Variants in FBXO42 observed in about 807,000 individuals in gnomAD.
FBXO42 encodes F-box protein 42.
FBXO42 carries 12 observed loss-of-function variants against 71.7 expected under a neutral mutation model. That is an observed-to-expected ratio of 0.17 (90% CI 0.11 to 0.27). FBXO42 has a LOEUF of 0.27. Ranked by LOEUF, FBXO42 falls within the 10% of genes least tolerant of loss-of-function variation. The pLI, the probability that FBXO42 is intolerant of heterozygous loss-of-function variation, is 1.00. For missense variants in FBXO42, 707 were observed against 911.9 expected (o/e 0.78, Z 2.89); for synonymous variants, 325 against 327.5 (o/e 0.99, Z 0.08).
intron 1 of FBXO42, among the ~76,000 whole-genome samples, chr1:16,344,824 C>T (rs1020841310): frequency 9.2e-5 from 14 of 152,034 alleles, no homozygotes; most frequent in African/African-American, 3.4e-4. Flanking sequence ...CTGGGCCGGG[C>T]GTGGTGGCTC....
chr1:16,334,418 C>CAAAAAA (rs757658037), intron 1 of FBXO42, among the ~76,000 whole-genome samples: 5 of 52,774 alleles, frequency 9.5e-5, no homozygotes, highest in Admixed American at 4.4e-4. Context: ...GACTCCGCCT[C>CAAAAAA]AAAAAAAAAA....
chr1:16,337,883 C>CAAAAAAAAAAAAAAAAAAAAAAAA (rs60328879), intron 1 of FBXO42, among the ~76,000 whole-genome samples: 7 of 38,854 alleles, frequency 1.8e-4, no homozygotes, highest in Non-Finnish European at 2.7e-4. Context: ...GACTCCGTCT[C>CAAAAAAAAAAAAAAAAAAAAAAAA]AAAAAAAAAA....
At chr1:16,292,682 G>C (rs2082092090) in intron 4 of FBXO42, 1 of 152,144 alleles carries the variant, frequency 6.6e-6, no homozygotes, top group South Asian at 2.1e-4. Context: ...AGTTGGCAGA[G>C]GCTATGAAGG....
intron 3 of FBXO42, among the ~76,000 whole-genome samples, chr1:16,300,370 A>C (rs146131268): frequency 6.6e-6 from 1 of 152,354 alleles, no homozygotes; most frequent in East Asian, 1.9e-4. Flanking sequence ...CAGAGCAAGC[A>C]AACAGTTCTT....
intron 1 of FBXO42, among the ~76,000 whole-genome samples, chr1:16,320,929 T>C (rs1277361179): frequency 2.0e-5 from 3 of 152,254 alleles, no homozygotes; most frequent in Middle Eastern, 3.4e-3. Flanking sequence ...AATTAAATAG[T>C]TGCTCCCTTG....
At chr1:16,303,360 A>G (rs967548018) in intron 3 of FBXO42, among the ~76,000 whole-genome samples, 9 of 152,168 alleles carry the variant, frequency 5.9e-5, no homozygotes, top group African/African-American at 1.7e-4. Flanking sequence ...GGACTGTCCT[A>G]TGCACTGCAG....
chr1:16,309,272 T>C (rs973956864), intron 2 of FBXO42, among the ~76,000 whole-genome samples: 27 of 149,586 alleles, frequency 1.8e-4, no homozygotes, highest in African/African-American at 5.9e-4. Context: ...AGAGATGGGG[T>C]TTCACCACGT....
chr1:16,316,820 T>C (rs765724686), intron 1 of FBXO42, among the ~76,000 whole-genome samples: 8 of 143,438 alleles, frequency 5.6e-5, no homozygotes, highest in Non-Finnish European at 3.0e-5. Flanking sequence ...GTATTTACAA[T>C]AGAAAATATG....
intron 4 of FBXO42, among the ~76,000 whole-genome samples, chr1:16,271,664 A>G (rs1198340129): frequency 1.3e-5 from 2 of 152,118 alleles, no homozygotes; most frequent in Non-Finnish European, 2.9e-5. Context: ...TTGTAAGTCC[A>G]TGAACATGCC....
chr1:16,251,606 G>A lies in FBXO42; in HGVS notation c.1218C>T (p.Gly406=), dbSNP rs1377911465. 3 of 1,614,048 alleles carry A rather than the reference G, an allele frequency of 1.9e-6. No individual in the cohort carries two copies. The highest frequency in any genetic ancestry group is 3.3e-5 in the Admixed American group (2 of 59,996). The change falls in exon 10 of 10, where the codon GGC becomes GGT. Residue 406 remains glycine (G), a synonymous_variant. Transcript: ENST00000375592. This position sits in a 1 kb window ranked among gnomAD's most constrained non-coding sequence, Gnocchi z 4.5. The part of the protein sequence containing the change: ...RSMDEAPCVN[G]RWGTLRPRAQ... The stretch of plus-strand genomic sequence containing the variant: ...CCCTGGGTCTCAGTGTTCCCCAGCG[G>A]CCGTTAACACAAGGAGCTTCATCCA...
intron 2 of FBXO42, among the ~76,000 whole-genome samples, chr1:16,308,675 TTTTGTTTG>T (rs570879371): frequency 2.7e-4 from 41 of 151,744 alleles, no homozygotes; most frequent in Non-Finnish European, 5.4e-4. Context: ...ATTTCTGTTT[TTTTGTTTG>T]TTTGTTTCAT....
At chr1:16,284,396 C>G (rs941552680) in intron 4 of FBXO42, among the ~76,000 whole-genome samples, 4 of 152,198 alleles carry the variant, frequency 2.6e-5, no homozygotes, top group Non-Finnish European at 5.9e-5. Context: ...GTTCTTATCT[C>G]AGGCCAATGT....
chr1:16,258,093 C>G lies in FBXO42; in HGVS notation c.503-1334G>C, dbSNP rs528010091. Among the ~76,000 whole-genome samples the G allele has an allele frequency of 1.8e-4, 27 of 152,152 alleles. No individual in the cohort carries two copies. The East Asian group carries it at 5.0e-3, about 28-fold the overall frequency. On this transcript the variant is annotated intron_variant, in intron 4 of 9. Coordinates refer to ENST00000375592, the MANE Select transcript of FBXO42 (RefSeq NM_018994.3). ...AAATCCCAACACTACATTAACCTGACAGCAGTCGAGATGCTCCAATCTAGG... is the reference window on the plus strand; with the variant it reads ...AAATCCCAACACTACATTAACCTGAGAGCAGTCGAGATGCTCCAATCTAGG...
chr1:16,328,936 G>A (rs1201848469), intron 1 of FBXO42, among the ~76,000 whole-genome samples: 5 of 151,802 alleles, frequency 3.3e-5, no homozygotes, highest in African/African-American at 9.7e-5. Flanking sequence ...AGGCTGAGGC[G>A]GGTGAATCAC....
chr1:16,255,892 A>G, intron 5 of FBXO42, 71 bp from the exon 6 acceptor site: 6 of 1,038,698 alleles, frequency 5.8e-6, no homozygotes. Flanking sequence ...GTAAGTAGGC[A>G]TCCATTTAAA....
chr1:16,258,919 T>A (rs2081679647), intron 4 of FBXO42, among the ~76,000 whole-genome samples: 1 of 152,108 alleles, frequency 6.6e-6, no homozygotes, highest in Admixed American at 6.6e-5. Context: ...TAAAATTTTT[T>A]TGTTGTGATC....
At chr1:16,313,691 G>A (rs968376012) in intron 2 of FBXO42, among the ~76,000 whole-genome samples, 13 of 152,184 alleles carry the variant, frequency 8.5e-5, no homozygotes, top group African/African-American at 2.2e-4. Context: ...CCACCTTGAT[G>A]CAAGGAAAAC....
intron 2 of FBXO42, among the ~76,000 whole-genome samples, chr1:16,314,500 T>C (rs368133759): frequency 6.6e-6 from 1 of 152,326 alleles, no homozygotes; most frequent in African/African-American, 2.4e-5. Context: ...TGCAGGATCT[T>C]CTAGTCAGAG....
intron 1 of FBXO42, among the ~76,000 whole-genome samples, chr1:16,334,214 A>ACC (rs1442684329): frequency 8.6e-5 from 13 of 152,026 alleles, no homozygotes; most frequent in Admixed American, 3.3e-4. Context: ...CGGGCAGATC[A>ACC]TGAGGTCAGG....
Sources: allele counts gnomAD v4.1 joint callset (sites outside exome capture counted in the v4.1 genomes callset), GRCh38; gene constraint gnomAD v4.1.1; non-coding constraint Gnocchi (gnomAD v3.1); transcripts MANE v1.5; gene names NCBI Gene and HGNC (gene_info 2026-07-23, HGNC 2026-07-21).